ZNF423: variants seen among roughly 807,000 people sequenced by gnomAD.
ZNF423 encodes the protein Ebf-associated zinc finger protein.
In ZNF423, 12 loss-of-function variants were observed where a neutral mutation model predicts 95.8. The observed-to-expected ratio is 0.13, with a 90% confidence interval of 0.08 to 0.20. The LOEUF is 0.20. ZNF423 is among the 10% of genes least tolerant of loss of function. ZNF423 has a pLI of 1.00. For missense variants in ZNF423, 1,316 were observed against 1,737.1 expected (o/e 0.76, Z 4.31); for synonymous variants, 749 against 711.9 (o/e 1.05, Z -0.83).
intron 3 of ZNF423, among the ~76,000 whole-genome samples, chr16:49,662,354 A>C (rs2030282401): frequency 6.6e-6 from 1 of 151,844 alleles, no homozygotes; most frequent in African/African-American, 2.4e-5. Flanking sequence ...GGGCCTGCTG[A>C]CCTCCTCTCA....
intron 3 of ZNF423, among the ~76,000 whole-genome samples, chr16:49,655,290 C>G (rs567431505): frequency 6.6e-6 from 1 of 152,314 alleles, no homozygotes. Flanking sequence ...CAACCACCAA[C>G]ACTATCTGAA....
intron 5 of ZNF423, among the ~76,000 whole-genome samples, chr16:49,537,587 C>T (rs1283835777): frequency 2.6e-5 from 4 of 152,180 alleles, no homozygotes; most frequent in Admixed American, 6.5e-5. Context: ...TCTGGGGAAG[C>T]GGGTCTTTCT....
At chr16:49,493,421 C>T (rs1315999742) in intron 7 of ZNF423, among the ~76,000 whole-genome samples, 1 of 152,216 alleles carries the variant, frequency 6.6e-6, no homozygotes, top group African/African-American at 2.4e-5. Flanking sequence ...TTTCTCAGGA[C>T]CCAGGGCTGG....
intron 5 of ZNF423, among the ~76,000 whole-genome samples, chr16:49,551,696 C>G (rs1969642944): frequency 1.3e-5 from 2 of 152,150 alleles, no homozygotes; most frequent in Non-Finnish European, 2.9e-5. Context: ...TCCTTTCCTC[C>G]CAGGAAGGGT....
chr16:49,556,240 G>T (rs1293769077), intron 5 of ZNF423, among the ~76,000 whole-genome samples: 1 of 152,200 alleles, frequency 6.6e-6, no homozygotes, highest in Non-Finnish European at 1.5e-5. Context: ...CTGCTCTCAT[G>T]CTGAAGACTG....
chr16:49,731,206 T>A, intron 2 of ZNF423: 1 of 599,634 alleles, frequency 1.7e-6, no homozygotes, highest in Non-Finnish European at 2.1e-6. Flanking sequence ...TTTCCTGTCA[T>A]CTCCCCTCTG....
chr16:49,596,965 C>T (rs1007077019), intron 5 of ZNF423, among the ~76,000 whole-genome samples: 17 of 152,182 alleles, frequency 1.1e-4, no homozygotes, highest in African/African-American at 4.1e-4. Context: ...GGGTTTCGGC[C>T]ACGTGGCTCC....
chr16:49,711,709 A>G (rs1453815987), intron 3 of ZNF423: 1 of 152,260 alleles, frequency 6.6e-6, no homozygotes, highest in East Asian at 1.9e-4. Flanking sequence ...GTATTACGTA[A>G]AGGTGTAGGA....
intron 3 of ZNF423, among the ~76,000 whole-genome samples, chr16:49,651,421 A>G (rs1973397511): frequency 6.6e-6 from 1 of 152,042 alleles, no homozygotes; most frequent in African/African-American, 2.4e-5. Flanking sequence ...TTCTTGGAGG[A>G]GGGACCCCCA....
At chr16:49,673,734 C>A (rs2030923391) in intron 3 of ZNF423, among the ~76,000 whole-genome samples, 2 of 152,262 alleles carry the variant, frequency 1.3e-5, no homozygotes, top group Admixed American at 1.3e-4. Flanking sequence ...TGGGGGGCTA[C>A]AAACCGCCAT....
chr16:49,725,888 C>T (rs1484666332), intron 3 of ZNF423, among the ~76,000 whole-genome samples: 1 of 152,194 alleles, frequency 6.6e-6, no homozygotes. Flanking sequence ...GGAGCCTGGC[C>T]CAACTCAGAG....
intron 5 of ZNF423, among the ~76,000 whole-genome samples, chr16:49,608,441 C>T (rs1287744553): frequency 6.6e-6 from 1 of 152,142 alleles, no homozygotes; most frequent in Admixed American, 6.5e-5. Flanking sequence ...TTCTCAGTTG[C>T]CTGTGCTGCT....
At chr16:49,557,642 G>A (rs1363739492) in intron 5 of ZNF423, among the ~76,000 whole-genome samples, 3 of 152,208 alleles carry the variant, frequency 2.0e-5, no homozygotes, top group Non-Finnish European at 4.4e-5. Flanking sequence ...GGCTGGAGGA[G>A]CTGCCAGGTG....
At chr16:49,818,550 C>T (rs1252923197) in intron 1 of ZNF423, among the ~76,000 whole-genome samples, 1 of 151,452 alleles carries the variant, frequency 6.6e-6, no homozygotes, top group Non-Finnish European at 1.5e-5. Flanking sequence ...ATAGACACTG[C>T]ACTCCAGCCT....
intron 1 of ZNF423, among the ~76,000 whole-genome samples, chr16:49,806,950 C>A (rs568484020): frequency 1.3e-5 from 2 of 150,756 alleles, no homozygotes; most frequent in East Asian, 3.9e-4. Flanking sequence ...TCGCTTGAAC[C>A]CGGGAGGTAG....
At chr16:49,491,325 G>GAC (rs1966952547) in intron 7 of ZNF423, 21 bp from the exon 8 acceptor site, 1 of 1,613,774 alleles carries the variant, frequency 6.2e-7, no homozygotes, top group African/African-American at 1.3e-5. Flanking sequence ...GAAGAAAGGA[G>GAC]ACACACATGA....
At chr16:49,854,370 G>A (rs967971497) in intron 1 of ZNF423, 6 of 985,454 alleles carry the variant, frequency 6.1e-6, no homozygotes, top group Non-Finnish European at 2.4e-6. Flanking sequence ...GAACTGACGA[G>A]TGTCTCAAGA....
chr16:49,527,444 G>T (rs1455060217), intron 5 of ZNF423, among the ~76,000 whole-genome samples: 1 of 152,138 alleles, frequency 6.6e-6, no homozygotes, highest in South Asian at 2.1e-4. Flanking sequence ...CCTCCAGTGT[G>T]GGGGGCTGCC....
intron 5 of ZNF423, among the ~76,000 whole-genome samples, chr16:49,579,805 TGGGAGGGCACA>T (rs1970610938): frequency 6.6e-6 from 1 of 152,148 alleles, no homozygotes; most frequent in African/African-American, 2.4e-5. Context: ...ACCTCTCCCA[TGGGAGGGCACA>T]GGGAGGGCTG....
Sources: allele counts gnomAD v4.1 joint callset (sites outside exome capture counted in the v4.1 genomes callset), GRCh38; gene constraint gnomAD v4.1.1; transcripts MANE v1.5; gene names NCBI Gene and HGNC (gene_info 2026-07-23, HGNC 2026-07-21).